The following LAMA4 variants were observed in gnomAD, a reference collection of about 807,000 sequenced individuals.
The protein encoded by LAMA4 is laminin subunit alpha 4.
In LAMA4, 127 loss-of-function variants were observed where a neutral mutation model predicts 207.1. The ratio of observed to expected loss-of-function variants is 0.61; its 90% CI spans 0.53 to 0.71. The LOEUF (loss-of-function observed/expected upper bound fraction) is 0.71. Among genes scored for constraint, LAMA4 ranks in the 30% least tolerant of loss-of-function variants. The pLI, the probability that LAMA4 is intolerant of heterozygous loss-of-function variation, is 0.00. For missense variants in LAMA4, 2,093 were observed against 2,246.5 expected, an observed-to-expected ratio of 0.93 and a Z score of 1.38; for synonymous variants, 761 against 816.0, an observed-to-expected ratio of 0.93 and a Z score of 1.15.
At chr6:112,251,315 A>AGTTTG in intron 2 of LAMA4, 1 of 152,308 alleles carries the variant, frequency 6.6e-6, no homozygotes, top group East Asian at 1.9e-4. Context: ...AGCATGCCAG[A>AGTTTG]GTTTGTGTCT....
In LAMA4 at chr6:112,139,310, G is replaced by A. The variant is rs782479950; in HGVS notation, c.3111-19C>T. On this transcript the variant is annotated intron_variant, in intron 23 of 38. Coordinates refer to ENST00000230538, the MANE Select transcript of LAMA4 (RefSeq NM_001105206.3). ...CTTATCTCTGAAATGGAAACACAAC[G>A]GTCATTTGAACACTACAGTTTCTGT... 3.7e-6 allele frequency: 6 copies of A among 1,613,608 alleles called. No individual in the cohort carries two copies. In the East Asian group the frequency reaches 6.7e-5, roughly 18 times the overall value.
chr6:112,154,294 G>A (rs1436578249), intron 16 of LAMA4, among the ~76,000 whole-genome samples: 1 of 147,256 alleles, frequency 6.8e-6, no homozygotes, highest in South Asian at 2.1e-4. Flanking sequence ...CTTTGGAAAT[G>A]CTTCTTACCA....
At chr6:112,195,938 TACACACACACAC>T (rs149514155) in intron 5 of LAMA4, among the ~76,000 whole-genome samples, 1 of 147,342 alleles carries the variant, frequency 6.8e-6, no homozygotes, top group African/African-American at 2.5e-5. Flanking sequence ...ATGAACTAAG[TACACACACACAC>T]ACACACACAC....
chr6:112,109,310 G>T lies in LAMA4; in HGVS notation c.*127C>A. The T allele has an allele frequency of 2.0e-6, 2 of 1,005,718 alleles. No homozygotes were observed. The highest frequency in any genetic ancestry group is 3.0e-6 in the Non-Finnish European group (2 of 655,978). The allele number at this position is 1,005,718 out of a possible 1,614,324, so 62.3% of individuals were successfully genotyped here. ...AGAAATATCCGGTCCCTGATGATTC[G>T]TTTAAGTCCTGTTCAACTCGATGAA... is the stretch of plus-strand genomic sequence containing the variant. On this transcript the variant is annotated 3_prime_UTR_variant, in exon 39 of 39. Coordinates refer to ENST00000230538, the MANE Select transcript of LAMA4 (RefSeq NM_001105206.3).
At position 112,201,793 on chromosome 6, in the gene LAMA4, T is replaced by C. The variant is rs534269445; in HGVS notation, c.423-105A>G. The C allele has an allele frequency of 3.1e-4, 285 of 920,396 alleles. 1 individual carries two copies. The highest frequency in any genetic ancestry group is 1.2e-3 in the Middle Eastern group (4 of 3,408). 57.0% of individuals were successfully genotyped at this position (920,396 alleles called of 1,614,324 possible). On this transcript the variant is annotated intron_variant, in intron 4 of 38. Coordinates refer to ENST00000230538, the MANE Select transcript of LAMA4 (RefSeq NM_001105206.3). ...TATGTTGGTCCCATTAAAGTTCTAA[T>C]GGGTGCAATCATTTTCTTTATTTAA...
intron 14 of LAMA4, among the ~76,000 whole-genome samples, chr6:112,156,956 G>A (rs1554337164): frequency 6.6e-6 from 1 of 151,738 alleles, no homozygotes; most frequent in African/African-American, 2.4e-5. Context: ...GAAAAAATGA[G>A]GATAACAATA....
intron 21 of LAMA4, 107 bp from the exon 22 acceptor site, chr6:112,141,029 CACT>C (rs541742553): frequency 2.2e-6 from 2 of 928,126 alleles, no homozygotes; most frequent in Non-Finnish European, 3.5e-6. Context: ...AATTTTGTGA[CACT>C]AATAAGCATT....
intron 2 of LAMA4, among the ~76,000 whole-genome samples, chr6:112,231,560 A>G (rs975914417): frequency 2.6e-5 from 4 of 152,216 alleles, no homozygotes; most frequent in Non-Finnish European, 5.9e-5. Flanking sequence ...CAACCTCAAT[A>G]GAAGCCAGTC....
In LAMA4 at chr6:112,140,926, T is replaced by C. The variant is rs781893797; in HGVS notation, c.2814-4A>G. On this transcript the variant is annotated splice_region_variant and splice_polypyrimidine_tract_variant and intron_variant, in intron 21 of 38. Coordinates refer to ENST00000230538, the MANE Select transcript of LAMA4 (RefSeq NM_001105206.3). Reference sequence around the variant, plus strand: ...CACCTTTCCATGTTTTCCCACCCTATTGAGATAAATAATTTTCACTTGTTA... The same window carrying C: ...CACCTTTCCATGTTTTCCCACCCTACTGAGATAAATAATTTTCACTTGTTA... 1 of 1,608,316 alleles carries C rather than the reference T, an allele frequency of 6.2e-7. No individual in the cohort carries two copies. The highest frequency in any genetic ancestry group is 8.5e-7 in the Non-Finnish European group (1 of 1,174,738).
At chr6:112,135,637 G>T (rs1779294023) in intron 25 of LAMA4, among the ~76,000 whole-genome samples, 1 of 152,134 alleles carries the variant, frequency 6.6e-6, no homozygotes. Context: ...AACTAAAGGG[G>T]ATTCTTTGTG....
rs1554342383 is a variant in LAMA4 at position 112,172,770 on chromosome 6, G to T, written c.1392C>A (p.His464Gln). 1 of 1,613,920 alleles carries T rather than the reference G, an allele frequency of 6.2e-7. No homozygotes were observed. The highest frequency in any genetic ancestry group is 1.3e-5 in the African/African-American group (1 of 74,912). ...LSQAESWQRL[H>Q]NETRTLFPVV... ...CAGGAAACAGAGTGCGGGTCTCATT[G>T]TGCAGCCGCTGCCAGCTCTCAGCCT... is the stretch of plus-strand genomic sequence containing the variant. The change falls in exon 12 of 39, where the codon CAC becomes CAA. Residue 464 changes from histidine (H) to glutamine (Q), a missense_variant. Physicochemically the swap from His to Gln is conservative, Grantham distance 24. Transcript: ENST00000230538.
At position 112,150,593 on chromosome 6, in the gene LAMA4, A is replaced by G; in HGVS notation, c.2091T>C (p.Arg697=). 3 of 1,614,020 alleles carry G rather than the reference A, an allele frequency of 1.9e-6. No homozygotes were observed. The highest frequency in any genetic ancestry group is 2.5e-6 in the Non-Finnish European group (3 of 1,179,934). The change falls in exon 17 of 39, where the codon CGT becomes CGC. Residue 697 remains arginine, a synonymous_variant. Coordinates refer to ENST00000230538, the MANE Select transcript of LAMA4 (RefSeq NM_001105206.3). ...TTTTCCTTGCTAGGGCTCCACCCAC[A>G]CGCCTGCTAGTGTCAGCCACTGCTT... ...SDEAVADTSR[R]VGGALARKSA...
chr6:112,117,911 G>T lies in LAMA4; in HGVS notation c.4822-13C>A, dbSNP rs782312689. ...AGATGGAGTTAATCTGAGGGAAGAA[G>T]ATATTTCTTAAAATCAATTTTCTCA... On this transcript the variant is annotated splice_polypyrimidine_tract_variant and intron_variant, in intron 34 of 38. Transcript: ENST00000230538. The surrounding 1 kb of genome is among the most constrained non-coding windows in gnomAD (Gnocchi z 4.5). The T allele has an allele frequency of 3.1e-6, 5 of 1,611,824 alleles. No individual in the cohort carries two copies. In the South Asian group the frequency reaches 5.5e-5, roughly 18 times the overall value.
intron 38 of LAMA4, among the ~76,000 whole-genome samples, chr6:112,110,331 A>G (rs1777625040): frequency 6.6e-6 from 1 of 152,240 alleles, no homozygotes; most frequent in Non-Finnish European, 1.5e-5. Flanking sequence ...ATTAAAATCC[A>G]TTTAGCCAAA....
chr6:112,139,070 G>T, intron 24 of LAMA4, 50 bp downstream of exon 24: 1 of 1,562,822 alleles, frequency 6.4e-7, no homozygotes, highest in Non-Finnish European at 8.8e-7. Context: ...ATGAGTAGCA[G>T]AAAGTAAAGG....
Position 112,139,865 on chromosome 6 carries a change from C to T in LAMA4, c.2997G>A (p.Leu999=), listed in dbSNP as rs1779584105. 3 of 1,613,940 alleles carry T rather than the reference C, an allele frequency of 1.9e-6. No homozygotes were observed. Among genetic ancestry groups the T allele is most frequent in the African/African-American group, 1.3e-5 (1 of 74,900 alleles). The change falls in exon 23 of 39, where the codon CTG becomes CTA. Residue 999 remains leucine, a synonymous_variant. Transcript: ENST00000230538. ...SNFKLPTSLN[L]PGFVGCLELA... ...GTTCCAGGCAGCCAACAAAGCCAGG[C>T]AGGTTTAAGCTGGTAGGGAGCTATG...
Position 112,142,271 on chromosome 6 carries a change from C to T in LAMA4, c.2515G>A (p.Asp839Asn). 1.2e-6 allele frequency: 2 copies of T among 1,614,072 alleles called. No individual in the cohort carries two copies. Among genetic ancestry groups the T allele is most frequent in the East Asian group, 2.2e-5 (1 of 44,876 alleles). The change falls in exon 20 of 39, where the codon GAT (aspartate) becomes AAT (asparagine). Residue 839 changes from aspartate (D) to asparagine (N), a missense_variant. Around this residue, in one of 3 missense-constraint regions of LAMA4, gnomAD observed 1,704 missense variants for 1,788.4 expected, o/e 0.95. Transcript: ENST00000230538. ...ASKIQVSMMFDGQSAVEVHSR... is the reference protein window; with the variant it reads ...ASKIQVSMMFNGQSAVEVHSR... ...TGCACTTCCACAGCTGACTGGCCAT[C>T]AAACATCATGGAGACTTGGATCTGG...
chr6:112,169,470 T>C (rs2114851142), intron 12 of LAMA4, among the ~76,000 whole-genome samples: 1 of 152,254 alleles, frequency 6.6e-6, no homozygotes, highest in Admixed American at 6.5e-5. Context: ...CAGTTTTGAA[T>C]AAGGATGCAG....
intron 5 of LAMA4, among the ~76,000 whole-genome samples, chr6:112,198,829 A>ATTT (rs1783568079): frequency 6.6e-6 from 1 of 152,130 alleles, no homozygotes; most frequent in Admixed American, 6.6e-5. Flanking sequence ...CTTATTGAGC[A>ATTT]TTTACTCAGT....
Sources: allele counts gnomAD v4.1 joint callset (sites outside exome capture counted in the v4.1 genomes callset), GRCh38; gene constraint gnomAD v4.1.1; regional missense constraint gnomAD v4.1.1; non-coding constraint Gnocchi (gnomAD v3.1); transcripts MANE v1.5; gene names NCBI Gene and HGNC (gene_info 2026-07-23, HGNC 2026-07-21).